The following PIKFYVE variants were observed in gnomAD, a reference collection of about 807,000 sequenced individuals.
PIKFYVE encodes the protein phosphoinositide kinase, FYVE-type zinc finger containing.
A neutral mutation model predicts 257.9 loss-of-function variants in PIKFYVE; 122 were observed. That is an observed-to-expected ratio of 0.47 (90% CI 0.41 to 0.55). The LOEUF (loss-of-function observed/expected upper bound fraction) is 0.55, where lower values mean the gene tolerates loss of function less well. Among genes scored for constraint, PIKFYVE ranks in the 20% least tolerant of loss-of-function variants. The pLI, the probability that PIKFYVE is intolerant of heterozygous loss-of-function variation, is 0.00. For synonymous variants in PIKFYVE, 892 were observed against 868.9 expected (o/e 1.03, Z -0.47); for missense variants, 2,160 against 2,536.6 (o/e 0.85, Z 3.19).
intron 5 of PIKFYVE, among the ~76,000 whole-genome samples, chr2:208,283,109 C>T (rs1691055610): frequency 6.6e-6 from 1 of 152,056 alleles, no homozygotes; most frequent in African/African-American, 2.4e-5. Context: ...AGTACATGTC[C>T]CTGGGATTGG....
intron 32 of PIKFYVE, among the ~76,000 whole-genome samples, chr2:208,344,161 A>G (rs1699008314): frequency 6.6e-6 from 1 of 152,208 alleles, no homozygotes; most frequent in African/African-American, 2.4e-5. Flanking sequence ...CTTAGTTTAA[A>G]TAGAATCTAA....
chr2:208,314,481 A>G (rs1012188531), intron 14 of PIKFYVE, 58 bp downstream of exon 14: 47 of 1,529,942 alleles, frequency 3.1e-5, no homozygotes, highest in South Asian at 2.0e-4. Context: ...CAGTGACTTG[A>G]TAAGCATATG....
At chr2:208,292,778 T>G (rs1692479759) in intron 7 of PIKFYVE, among the ~76,000 whole-genome samples, 2 of 152,148 alleles carry the variant, frequency 1.3e-5, no homozygotes, top group African/African-American at 4.8e-5. Context: ...GACCCTTCAC[T>G]TATTTTTTAA....
At chr2:208,331,035 A>G (rs1378494004) in intron 23 of PIKFYVE, among the ~76,000 whole-genome samples, 1 of 152,176 alleles carries the variant, frequency 6.6e-6, no homozygotes, top group Non-Finnish European at 1.5e-5. Flanking sequence ...CCTAGGAATG[A>G]AAAAAAGAAT....
At chr2:208,308,574 A>G (rs1694612448) in intron 12 of PIKFYVE, among the ~76,000 whole-genome samples, 1 of 152,082 alleles carries the variant, frequency 6.6e-6, no homozygotes, top group Non-Finnish European at 1.5e-5. Context: ...CCCTTTGACT[A>G]GCATCTCCCC....
chr2:208,329,762 G>GT, intron 21 of PIKFYVE, 80 bp from the exon 22 acceptor site: 1 of 1,570,536 alleles, frequency 6.4e-7, no homozygotes, highest in Non-Finnish European at 8.7e-7. Context: ...CATTTAATAG[G>GT]TAATCATAAT....
intron 1 of PIKFYVE, chr2:208,269,829 G>A (rs1045524600): frequency 7.6e-6 from 2 of 264,638 alleles, no homozygotes; most frequent in Non-Finnish European, 1.6e-5. Flanking sequence ...TTTTCTCAGG[G>A]GCCTGGGGGA....
At chr2:208,327,018 C>G (rs1287715812) in intron 20 of PIKFYVE, among the ~76,000 whole-genome samples, 1 of 152,004 alleles carries the variant, frequency 6.6e-6, no homozygotes, top group Non-Finnish European at 1.5e-5. Context: ...TGAGGAAATG[C>G]AATTGTTTAA....
chr2:208,267,645 T>G (rs942673303), intron 1 of PIKFYVE, among the ~76,000 whole-genome samples: 1 of 151,702 alleles, frequency 6.6e-6, no homozygotes, highest in Non-Finnish European at 1.5e-5. Flanking sequence ...GTAGCTAGAT[T>G]GCAGGCGCGC....
rs1211622938 is a variant in PIKFYVE, at chr2:208,352,797, C to T, written c.5844+15C>T. ...AGATGGCACAGGTAAGGGTATTGGA[C>T]TATGTGAAGCATTTAGCTACTGGAA... On this transcript the variant is annotated intron_variant, in intron 39 of 41. Transcript: ENST00000264380. The T allele has an allele frequency of 6.2e-7, 1 of 1,611,092 alleles. No individual in the cohort carries two copies. Among genetic ancestry groups the T allele is most frequent in the Non-Finnish European group, 8.5e-7 (1 of 1,178,508 alleles).
At chr2:208,302,188 T>C in intron 9 of PIKFYVE, 54 bp from the exon 10 acceptor site, 1 of 1,476,090 alleles carries the variant, frequency 6.8e-7, no homozygotes. Flanking sequence ...TATCTGGTAC[T>C]TAACTATTCT....
chr2:208,336,678 T>G (rs1698170694), intron 27 of PIKFYVE, among the ~76,000 whole-genome samples, 160 bp from the exon 28 acceptor site: 1 of 152,056 alleles, frequency 6.6e-6, no homozygotes, highest in African/African-American at 2.4e-5. Context: ...TAATTAGATA[T>G]GACAAAAACT....
intron 32 of PIKFYVE, 102 bp downstream of exon 32, chr2:208,342,751 A>AAT (rs1338088994): frequency 1.1e-6 from 1 of 930,392 alleles, no homozygotes; most frequent in East Asian, 2.5e-5. Context: ...AAAATGATTA[A>AAT]ATATAAGCAA....
intron 11 of PIKFYVE, 113 bp downstream of exon 11, chr2:208,304,431 T>A: frequency 7.3e-7 from 1 of 1,376,432 alleles, no homozygotes; most frequent in Non-Finnish European, 1.0e-6. Flanking sequence ...TGGCTCCAAC[T>A]AAATGGAAAC....
intron 17 of PIKFYVE, among the ~76,000 whole-genome samples, chr2:208,321,577 T>TTTCTTTTC (rs779606291): frequency 2.6e-4 from 35 of 135,584 alleles, no homozygotes; most frequent in Admixed American, 5.2e-4. Context: ...TTTCTTTTGT[T>TTTCTTTTC]TTTTTTTTTT....
chr2:208,303,335 A>G (rs1013642212), intron 10 of PIKFYVE, among the ~76,000 whole-genome samples: 4 of 152,114 alleles, frequency 2.6e-5, no homozygotes, highest in Non-Finnish European at 4.4e-5. Flanking sequence ...AATTAGGGAT[A>G]CTGACCCCCT....
chr2:208,305,977 C>T (rs189708706), intron 12 of PIKFYVE, among the ~76,000 whole-genome samples: 9 of 152,210 alleles, frequency 5.9e-5, no homozygotes, highest in East Asian at 5.8e-4. Flanking sequence ...CTAAGTTTTG[C>T]GCACTCTATT....
chr2:208,357,750 G>A lies in PIKFYVE; in HGVS notation c.*2445G>A, dbSNP rs1047958437. ...ATTGTACTACTCAGTGTTAAGTATTGAATGACTGTTTCCCTTTCCTTCAAG... is the reference window on the plus strand; with the variant it reads ...ATTGTACTACTCAGTGTTAAGTATTAAATGACTGTTTCCCTTTCCTTCAAG... On this transcript the variant is annotated 3_prime_UTR_variant, in exon 42 of 42. Transcript: ENST00000264380. 1.3e-5 allele frequency: 2 copies of A among 152,094 alleles called. No individual in the cohort carries two copies. Among genetic ancestry groups the A allele is most frequent in the African/African-American group, 4.8e-5 (2 of 41,416 alleles). The allele number at this position is 152,094 out of a possible 1,614,324, so 9.4% of individuals were successfully genotyped here. A position where few individuals can be genotyped will look rare whatever the true frequency, so the allele number is the denominator to read the frequency against.
chr2:208,306,841 G>A (rs1045480043), intron 12 of PIKFYVE, among the ~76,000 whole-genome samples: 7 of 151,150 alleles, frequency 4.6e-5, no homozygotes, highest in Admixed American at 4.6e-4. Flanking sequence ...GCAGTGGCGC[G>A]ATCTTGGCTC....
Sources: gnomAD v4.1 joint callset for allele counts (sites outside exome capture counted in the v4.1 genomes callset) on GRCh38, gnomAD v4.1.1 for gene constraint, MANE v1.5 for transcripts, NCBI Gene and HGNC (gene_info 2026-07-23, HGNC 2026-07-21) for gene names.